Variants in DIAPH3 observed in about 807,000 individuals in gnomAD.
The protein encoded by DIAPH3 is diaphanous related formin 3.
In DIAPH3, 117 loss-of-function variants were observed where a neutral mutation model predicts 144.3. The ratio of observed to expected loss-of-function variants is 0.81; its 90% CI spans 0.70 to 0.95. DIAPH3 has a LOEUF of 0.95. DIAPH3 is among the 40% of genes least tolerant of loss of function. The pLI, the probability that DIAPH3 is intolerant of heterozygous loss-of-function variation, is 0.00. For synonymous variants in DIAPH3, 519 were observed against 488.9 expected (o/e 1.06, Z -0.81); for missense variants, 1,421 against 1,412.7 (o/e 1.01, Z -0.09).
In DIAPH3 at chr13:59,921,204, C is replaced by A. The variant is rs566318827; in HGVS notation, c.2170+3571G>T. On this transcript the variant is annotated intron_variant, in intron 18 of 27. Coordinates refer to ENST00000400324, the MANE Select transcript of DIAPH3 (RefSeq NM_001042517.2). Reference sequence around the variant, plus strand: ...TTAGAAAAACAAGACAAACTCAACCCAAAATTAGTAGAAGCAAGAAAATAT... The same window carrying A: ...TTAGAAAAACAAGACAAACTCAACCAAAAATTAGTAGAAGCAAGAAAATAT... Among the ~76,000 whole-genome samples the A allele has an allele frequency of 1.3e-4, 18 of 139,462 alleles. No homozygotes were observed. The East Asian group carries it at 3.5e-3, about 27-fold the overall frequency. The allele number at this position is 139,462 out of a possible 152,430, so 91.5% of individuals were successfully genotyped here. A position where few individuals can be genotyped will look rare whatever the true frequency, so the allele number is the denominator to read the frequency against.
chr13:60,103,620 T>C (rs1425566646), intron 3 of DIAPH3, among the ~76,000 whole-genome samples: 1 of 152,248 alleles, frequency 6.6e-6, no homozygotes, highest in East Asian at 1.9e-4. Flanking sequence ...ACCAAACATT[T>C]ATTCCTATTA....
At chr13:60,022,289 C>T (rs2054078984) in intron 5 of DIAPH3, among the ~76,000 whole-genome samples, 2 of 152,180 alleles carry the variant, frequency 1.3e-5, no homozygotes. Flanking sequence ...TGGTGTAAAA[C>T]AAGCGTCCTG....
Position 59,810,792 on chromosome 13 carries a change from C to T in DIAPH3, c.3159G>A (p.Lys1053=). The T allele has an allele frequency of 6.2e-7, 1 of 1,613,246 alleles. No individual in the cohort carries two copies. The highest frequency in any genetic ancestry group is 1.1e-5 in the South Asian group (1 of 90,958). ...QQKKKRLLEM[K]TEGDETGVMD... is the part of the protein sequence containing the mutation. ...AACAAATTTGATAGTACTCACCAGT[C>T]TTCATTTCTAATAAACGCTTTTTCT... The change falls in exon 25 of 28, where the codon AAG becomes AAA. Residue 1053 remains lysine, a synonymous_variant. Coordinates refer to ENST00000400324, the MANE Select transcript of DIAPH3 (RefSeq NM_001042517.2).
intron 4 of DIAPH3, among the ~76,000 whole-genome samples, chr13:60,079,281 C>T (rs1383610273): frequency 2.0e-5 from 3 of 151,968 alleles, no homozygotes; most frequent in Non-Finnish European, 4.4e-5. Context: ...TTTTATAATA[C>T]ATAGTAAGCA....
At chr13:59,810,386 A>G (rs1261547746) in intron 25 of DIAPH3, among the ~76,000 whole-genome samples, 2 of 151,436 alleles carry the variant, frequency 1.3e-5, no homozygotes, top group Non-Finnish European at 2.9e-5. Context: ...TTTATCCTCC[A>G]TCACTTTTTT....
At chr13:59,746,997 A>G (rs2036737813) in intron 27 of DIAPH3, among the ~76,000 whole-genome samples, 1 of 152,186 alleles carries the variant, frequency 6.6e-6, no homozygotes, top group African/African-American at 2.4e-5. Context: ...ATGAATATAT[A>G]ATTACTTGGA....
At chr13:59,828,567 C>T (rs1223329995) in intron 24 of DIAPH3, among the ~76,000 whole-genome samples, 1 of 148,940 alleles carries the variant, frequency 6.7e-6, no homozygotes, top group Admixed American at 6.8e-5. Flanking sequence ...AACTCTGAAG[C>T]TTCTCTGCAA....
intron 17 of DIAPH3, among the ~76,000 whole-genome samples, chr13:59,969,138 C>G (rs938032201): frequency 2.0e-5 from 3 of 152,082 alleles, no homozygotes; most frequent in African/African-American, 7.2e-5. Context: ...GTAGCAGGCC[C>G]ACGAAATTGG....
At chr13:59,927,916 G>A (rs2047832172) in intron 17 of DIAPH3, among the ~76,000 whole-genome samples, 1 of 152,128 alleles carries the variant, frequency 6.6e-6, no homozygotes, top group Admixed American at 6.5e-5. Context: ...GTATCTGGAT[G>A]TCTATTTCTT....
intron 27 of DIAPH3, among the ~76,000 whole-genome samples, chr13:59,668,711 C>A (rs1005211180): frequency 6.6e-6 from 1 of 152,106 alleles, no homozygotes; most frequent in Non-Finnish European, 1.5e-5. Flanking sequence ...ACATTAATTT[C>A]TTTCTTGAAC....
At position 60,163,784 on chromosome 13, in the gene DIAPH3, G is replaced by C. The variant is rs1265219565; in HGVS notation, c.-18C>G. 1.9e-6 allele frequency: 3 copies of C among 1,556,006 alleles called. No individual in the cohort carries two copies. Among genetic ancestry groups the C allele is most frequent in the African/African-American group, 2.7e-5 (2 of 73,508 alleles). ...CGTTCCATCTTTCCCCGCAGCTCCG[G>C]GGACCGGAAAGAAGGTGGCCACTCA... On this transcript the variant is annotated 5_prime_UTR_variant, in exon 1 of 28. Transcript: ENST00000400324.
intron 25 of DIAPH3, among the ~76,000 whole-genome samples, chr13:59,805,189 C>A (rs1042993684): frequency 6.6e-6 from 1 of 151,958 alleles, no homozygotes; most frequent in African/African-American, 2.4e-5. Flanking sequence ...TATTTACTTC[C>A]CCCACAAAAC....
intron 17 of DIAPH3, among the ~76,000 whole-genome samples, chr13:59,931,903 A>C (rs1490651871): frequency 1.3e-5 from 2 of 152,188 alleles, no homozygotes; most frequent in African/African-American, 4.8e-5. Flanking sequence ...AGATGTGGAG[A>C]AGAGAAAATG....
intron 25 of DIAPH3, among the ~76,000 whole-genome samples, chr13:59,776,235 C>T (rs1037040821): frequency 2.6e-5 from 4 of 152,096 alleles, no homozygotes; most frequent in African/African-American, 4.8e-5. Flanking sequence ...TATGTATCAG[C>T]CCCTTTTCCA....
chr13:59,930,020 T>C (rs1441514155), intron 17 of DIAPH3, among the ~76,000 whole-genome samples: 2 of 152,218 alleles, frequency 1.3e-5, no homozygotes, highest in African/African-American at 4.8e-5. Context: ...ATCATAAACA[T>C]GGCATGTGTT....
intron 20 of DIAPH3, among the ~76,000 whole-genome samples, chr13:59,898,532 G>A (rs1260391986): frequency 6.6e-6 from 1 of 152,110 alleles, no homozygotes; most frequent in East Asian, 1.9e-4. Context: ...AGAGCTAAAT[G>A]ATTTTAGTTT....
intron 5 of DIAPH3, among the ~76,000 whole-genome samples, chr13:60,025,404 C>CAAAAAAAAA (rs370177105): frequency 1.5e-5 from 1 of 68,144 alleles, no homozygotes; most frequent in Non-Finnish European, 2.8e-5. Flanking sequence ...TTGTGCTTAG[C>CAAAAAAAAA]AAAAAAAAAA....
At chr13:60,014,940 A>G (rs1430545064) in intron 7 of DIAPH3, among the ~76,000 whole-genome samples, 1 of 151,700 alleles carries the variant, frequency 6.6e-6, no homozygotes, top group African/African-American at 2.4e-5. Context: ...TTCAGTAAAG[A>G]GCTTAAGAAT....
chr13:59,697,169 G>A lies in DIAPH3; in HGVS notation c.3320-30323C>T, dbSNP rs190674084. Among the ~76,000 whole-genome samples, 6 of 151,948 alleles carry A rather than the reference G, an allele frequency of 3.9e-5. No homozygotes were observed. The East Asian group carries it at 1.2e-3, about 30-fold the overall frequency. On this transcript the variant is annotated intron_variant, in intron 27 of 27. Transcript: ENST00000400324. ...GACAGCAGAAAGGTTTTTAGAAGAG[G>A]GGATTCAGGGCCGGGCGCGGTGGCT...
Sources: allele counts gnomAD v4.1 joint callset (sites outside exome capture counted in the v4.1 genomes callset), GRCh38; gene constraint gnomAD v4.1.1; transcripts MANE v1.5; gene names NCBI Gene and HGNC (gene_info 2026-07-23, HGNC 2026-07-21).